SPATA6: variants seen among roughly 807,000 people sequenced by gnomAD.
SPATA6 encodes the protein spermatogenesis associated 6, also known as spermatogenesis-associated protein 6.
In SPATA6, 56 loss-of-function variants were observed where a neutral mutation model predicts 65.3. The observed-to-expected ratio is 0.86, with a 90% CI of 0.69 to 1.07. SPATA6 has a LOEUF of 1.07. Ranked by LOEUF, SPATA6 falls within the 50% of genes least tolerant of loss-of-function variation. SPATA6 has a pLI of 0.00. For missense variants in SPATA6, 590 were observed against 594.8 expected, an observed-to-expected ratio of 0.99 and a Z score of 0.08; for synonymous variants, 199 against 213.2, an observed-to-expected ratio of 0.93 and a Z score of 0.58.
intron 9 of SPATA6, among the ~76,000 whole-genome samples, chr1:48,365,882 G>C (rs1330554066): frequency 2.0e-5 from 3 of 152,140 alleles, no homozygotes. Context: ...AGTTTTCAAA[G>C]GGAATGTTCC....
chr1:48,311,327 T>A (rs78992678), intron 11 of SPATA6, among the ~76,000 whole-genome samples: 126 of 152,214 alleles, frequency 8.3e-4, no homozygotes, highest in African/African-American at 2.9e-3. Flanking sequence ...AAGGCTCTAA[T>A]TACTAACATC....
At chr1:48,420,135 T>G (rs1461805898) in intron 3 of SPATA6, among the ~76,000 whole-genome samples, 1 of 152,056 alleles carries the variant, frequency 6.6e-6, no homozygotes, top group Non-Finnish European at 1.5e-5. Flanking sequence ...TAAACAATCA[T>G]GCCTATGTAA....
At chr1:48,327,335 G>C (rs556263698) in intron 11 of SPATA6, among the ~76,000 whole-genome samples, 5 of 152,202 alleles carry the variant, frequency 3.3e-5, no homozygotes, top group Non-Finnish European at 5.9e-5. Flanking sequence ...CTACGAAAAA[G>C]TCAAAAAACA....
chr1:48,320,509 C>A (rs112851284), intron 11 of SPATA6, among the ~76,000 whole-genome samples: 30 of 152,306 alleles, frequency 2.0e-4, no homozygotes, highest in Non-Finnish European at 3.8e-4. Flanking sequence ...AATAGTATAT[C>A]TGGCAAAAAG....
chr1:48,420,676 A>G (rs967735913), intron 3 of SPATA6, among the ~76,000 whole-genome samples: 12 of 152,204 alleles, frequency 7.9e-5, no homozygotes, highest in Admixed American at 7.8e-4. Context: ...CATGGCTTGA[A>G]GCAACAACAA....
intron 11 of SPATA6, among the ~76,000 whole-genome samples, chr1:48,348,235 A>C (rs1325576993): frequency 6.6e-6 from 1 of 151,992 alleles, no homozygotes; most frequent in Non-Finnish European, 1.5e-5. Flanking sequence ...TACTCACCCA[A>C]GGGGACAGAA....
At chr1:48,339,852 A>G (rs1011409956) in intron 11 of SPATA6, among the ~76,000 whole-genome samples, 1 of 152,014 alleles carries the variant, frequency 6.6e-6, no homozygotes, top group African/African-American at 2.4e-5. Flanking sequence ...ATTTGAAGAG[A>G]TAATGAGCTA....
chr1:48,332,290 C>T (rs1224639732), intron 11 of SPATA6, among the ~76,000 whole-genome samples: 1 of 152,066 alleles, frequency 6.6e-6, no homozygotes, highest in African/African-American at 2.4e-5. Flanking sequence ...AAAGTGGCTG[C>T]CAGCTGGATA....
intron 5 of SPATA6, among the ~76,000 whole-genome samples, chr1:48,406,103 A>C (rs1434013200): frequency 6.6e-6 from 1 of 152,090 alleles, no homozygotes; most frequent in Non-Finnish European, 1.5e-5. Flanking sequence ...CAAGGTGCAC[A>C]TGTGCAGCAG....
intron 11 of SPATA6, among the ~76,000 whole-genome samples, chr1:48,311,399 G>A (rs1645203367): frequency 6.6e-6 from 1 of 152,050 alleles, no homozygotes; most frequent in African/African-American, 2.4e-5. Flanking sequence ...ATAAGGAAAT[G>A]CATGAAATAA....
chr1:48,467,890 G>C (rs1031591939), intron 1 of SPATA6, among the ~76,000 whole-genome samples: 76 of 152,226 alleles, frequency 5.0e-4, no homozygotes, highest in African/African-American at 1.7e-3. Context: ...TCAAAAAATT[G>C]TAAGTGTTGG....
intron 11 of SPATA6, among the ~76,000 whole-genome samples, chr1:48,330,062 G>A (rs1645871688): frequency 6.6e-6 from 1 of 152,186 alleles, no homozygotes; most frequent in African/African-American, 2.4e-5. Context: ...GTGCCAGGGA[G>A]CAGTAACATT....
the SPATA6 span, among the ~76,000 whole-genome samples, chr1:48,282,387 G>A: frequency 1.3e-5 from 2 of 152,072 alleles, no homozygotes; most frequent in African/African-American, 4.8e-5. Context: ...TACCATCAGA[G>A]TAAACAGGCA....
intron 3 of SPATA6, among the ~76,000 whole-genome samples, chr1:48,417,226 T>C (rs917791256): frequency 3.3e-5 from 5 of 152,180 alleles, no homozygotes; most frequent in African/African-American, 1.2e-4. Context: ...TCTTTTAAAT[T>C]AACGTATATA....
intron 11 of SPATA6, chr1:48,325,743 C>A: frequency 2.0e-6 from 1 of 512,310 alleles, no homozygotes; most frequent in East Asian, 4.3e-5. Context: ...CCAAGTATCT[C>A]GCGCAAGGTG....
At chr1:48,395,436 G>C (rs1650495602) in intron 7 of SPATA6, 82 bp from the exon 8 acceptor site, 1 of 869,612 alleles carries the variant, frequency 1.1e-6, no homozygotes. Context: ...AAAACTACTA[G>C]AGTACAGAGA....
chr1:48,451,613 G>T lies in SPATA6; in HGVS notation c.190-13C>A, dbSNP rs1355111520. ...CGTCCGGGAACACCTATAGTGAGAC[G>T]ATACAGGGAGAGGCAGGAAGGAAGA... is the stretch of plus-strand genomic sequence containing the variant. On this transcript the variant is annotated splice_polypyrimidine_tract_variant and intron_variant, in intron 2 of 12. Transcript: ENST00000371847. The T allele has an allele frequency of 6.2e-7, 1 of 1,605,322 alleles. No homozygotes were observed. Among genetic ancestry groups the T allele is most frequent in the Non-Finnish European group, 8.5e-7 (1 of 1,176,192 alleles).
At chr1:48,471,912 G>C in intron 1 of SPATA6, 46 bp downstream of exon 1, 1 of 1,602,460 alleles carries the variant, frequency 6.2e-7, no homozygotes, top group Non-Finnish European at 8.5e-7. Context: ...GACTGAGGGA[G>C]TCCCTGAGCC....
At chr1:48,342,411 C>T (rs773865849) in intron 11 of SPATA6, among the ~76,000 whole-genome samples, 7 of 151,716 alleles carry the variant, frequency 4.6e-5, no homozygotes, top group Non-Finnish European at 8.8e-5. Context: ...GTCAGAAGAT[C>T]GAGACCATCC....
Sources: gnomAD v4.1 joint callset for allele counts (sites outside exome capture counted in the v4.1 genomes callset) on GRCh38, gnomAD v4.1.1 for gene constraint, MANE v1.5 for transcripts, NCBI Gene and HGNC (gene_info 2026-07-23, HGNC 2026-07-21) for gene names.